The following SGCZ variants were observed in gnomAD, a reference collection of about 807,000 sequenced individuals.
The protein encoded by SGCZ is sarcoglycan zeta, also known as zeta-sarcoglycan.
A neutral mutation model predicts 41.3 loss-of-function variants in SGCZ; 40 were observed. That is an observed-to-expected ratio of 0.97 (90% CI 0.75 to 1.26). SGCZ has a LOEUF of 1.26. Ranked by LOEUF, SGCZ falls within the 50% of genes most tolerant of loss-of-function variation. The pLI is 0.00. For synonymous variants in SGCZ, 206 were observed against 137.5 expected (o/e 1.50, Z -3.49); for missense variants, 552 against 369.8 (o/e 1.49, Z -4.04).
intron 1 of SGCZ, among the ~76,000 whole-genome samples, chr8:14,561,999 G>A (rs1303383926): frequency 1.3e-5 from 2 of 152,094 alleles, no homozygotes; most frequent in African/African-American, 4.8e-5. Context: ...AGAAGGGAAT[G>A]AATTAATTTG....
At chr8:15,035,354 A>C (rs1803836199) in intron 1 of SGCZ, among the ~76,000 whole-genome samples, 2 of 152,148 alleles carry the variant, frequency 1.3e-5, no homozygotes, top group Admixed American at 1.3e-4. Context: ...TGATGCACAA[A>C]ATATAAAAAG....
chr8:15,182,816 T>A (rs1191949825), intron 1 of SGCZ, among the ~76,000 whole-genome samples: 2 of 152,272 alleles, frequency 1.3e-5, no homozygotes, highest in African/African-American at 4.8e-5. Context: ...ATCAAGGTTA[T>A]AATTTTTTAA....
chr8:15,010,110 A>G (rs1356987491), intron 1 of SGCZ, among the ~76,000 whole-genome samples: 2 of 152,194 alleles, frequency 1.3e-5, no homozygotes, highest in Non-Finnish European at 2.9e-5. Context: ...AACAGGAATA[A>G]TGTTAGCCTG....
intron 1 of SGCZ, among the ~76,000 whole-genome samples, chr8:14,993,258 T>C (rs1270499055): frequency 1.3e-5 from 2 of 152,162 alleles, no homozygotes; most frequent in Admixed American, 6.6e-5. Flanking sequence ...AAGTCCGTTG[T>C]ATGTATTTTA....
chr8:14,235,304 A>T (rs1166842578), intron 4 of SGCZ, among the ~76,000 whole-genome samples: 1 of 152,216 alleles, frequency 6.6e-6, no homozygotes, highest in East Asian at 1.9e-4. Flanking sequence ...GTCATCAAAA[A>T]TACACTCAAA....
chr8:14,665,406 C>T (rs1807879055), intron 1 of SGCZ, among the ~76,000 whole-genome samples: 1 of 152,130 alleles, frequency 6.6e-6, no homozygotes, highest in Non-Finnish European at 1.5e-5. Context: ...TTAATCCAGT[C>T]TATCATTGTT....
chr8:15,227,760 G>C (rs535307117), intron 1 of SGCZ, among the ~76,000 whole-genome samples: 1 of 152,166 alleles, frequency 6.6e-6, no homozygotes, highest in Non-Finnish European at 1.5e-5. Context: ...AAACACTGAA[G>C]TACAACTCCA....
At chr8:15,034,213 G>T (rs1325605215) in intron 1 of SGCZ, among the ~76,000 whole-genome samples, 1 of 151,970 alleles carries the variant, frequency 6.6e-6, no homozygotes, top group Non-Finnish European at 1.5e-5. Flanking sequence ...AGAAACAATT[G>T]AATAAAATAA....
At chr8:14,570,122 T>A (rs767397470) in intron 1 of SGCZ, among the ~76,000 whole-genome samples, 11 of 152,248 alleles carry the variant, frequency 7.2e-5, no homozygotes, top group Non-Finnish European at 1.6e-4. Context: ...TCCATTAGAA[T>A]ATAAGCCATA....
chr8:14,294,481 G>A (rs1274178621), intron 3 of SGCZ, among the ~76,000 whole-genome samples: 2 of 151,844 alleles, frequency 1.3e-5, no homozygotes, highest in Non-Finnish European at 2.9e-5. Context: ...TAAAAACATT[G>A]CTGCGATCTT....
At chr8:14,429,237 G>T (rs989700610) in intron 2 of SGCZ, among the ~76,000 whole-genome samples, 1 of 152,194 alleles carries the variant, frequency 6.6e-6, no homozygotes, top group African/African-American at 2.4e-5. Context: ...TGTAGCATAG[G>T]TTCTGTTAAA....
At chr8:14,380,649 C>T (rs1017525328) in intron 2 of SGCZ, among the ~76,000 whole-genome samples, 7 of 152,040 alleles carry the variant, frequency 4.6e-5, no homozygotes, top group African/African-American at 1.4e-4. Flanking sequence ...GTCAACAGGT[C>T]GAGACCACCC....
intron 1 of SGCZ, among the ~76,000 whole-genome samples, chr8:14,860,735 A>AAAGAAAGAAAGT (rs1178772574): frequency 1.7e-4 from 19 of 112,724 alleles, no homozygotes; most frequent in Admixed American, 1.2e-3. Context: ...AGAAAGAAAG[A>AAAGAAAGAAAGT]AAGTAAGTAA....
chr8:14,226,380 G>C lies in SGCZ; in HGVS notation c.424+11212C>G, dbSNP rs78313489. 2.3e-3 allele frequency among the ~76,000 whole-genome samples: 348 copies of C among 152,034 alleles called. 1 individual carries two copies. Among genetic ancestry groups the C allele is most frequent in the African/African-American group, 7.0e-3 (291 of 41,496 alleles). ...CCTCAGAAAACTCTCTTGTGCTATCGCTTTGTACCTAAACCCTCCCCCATA... is the reference window on the plus strand; with the variant it reads ...CCTCAGAAAACTCTCTTGTGCTATCCCTTTGTACCTAAACCCTCCCCCATA... On this transcript the variant is annotated intron_variant, in intron 4 of 7. Coordinates refer to ENST00000382080, the MANE Select transcript of SGCZ (RefSeq NM_139167.4).
At chr8:14,252,660 G>C (rs905087991) in intron 3 of SGCZ, among the ~76,000 whole-genome samples, 9 of 152,034 alleles carry the variant, frequency 5.9e-5, no homozygotes, top group Admixed American at 1.3e-4. Flanking sequence ...TACAAACCTC[G>C]AGATAATATA....
intron 1 of SGCZ, among the ~76,000 whole-genome samples, chr8:14,911,100 G>T (rs916579592): frequency 3.9e-5 from 6 of 152,008 alleles, no homozygotes; most frequent in Non-Finnish European, 7.4e-5. Context: ...CATGAGAAAA[G>T]AAGCATTTTG....
chr8:14,136,326 G>C lies in SGCZ; in HGVS notation c.548-28091C>G, dbSNP rs115573607. The stretch of plus-strand genomic sequence containing the variant: ...GGACAGTGGGTGCAGCCCATGAAGT[G>C]TGAGCCGAAGCAGGGTGGGGCATCA... On this transcript the variant is annotated intron_variant, in intron 5 of 7. Transcript: ENST00000382080. Among the ~76,000 whole-genome samples the C allele has an allele frequency of 4.8e-3, 738 of 152,310 alleles. 6 individuals carry two copies. Among genetic ancestry groups the C allele is most frequent in the African/African-American group, 0.016 (686 of 41,580 alleles).
intron 3 of SGCZ, among the ~76,000 whole-genome samples, chr8:14,238,313 T>C (rs905928011): frequency 1.3e-5 from 2 of 152,188 alleles, no homozygotes; most frequent in African/African-American, 4.8e-5. Flanking sequence ...TTACTAAGCA[T>C]GCTGCTGAAG....
chr8:14,761,825 A>G (rs1799890635), intron 1 of SGCZ, among the ~76,000 whole-genome samples: 1 of 152,086 alleles, frequency 6.6e-6, no homozygotes, highest in Non-Finnish European at 1.5e-5. Flanking sequence ...GAGCCATCAC[A>G]TCCGGCCCTG....
Sources: allele counts gnomAD v4.1 joint callset (sites outside exome capture counted in the v4.1 genomes callset), GRCh38; gene constraint gnomAD v4.1.1; transcripts MANE v1.5; gene names NCBI Gene and HGNC (gene_info 2026-07-23, HGNC 2026-07-21).